Variants in SNX8 observed in about 807,000 individuals in gnomAD.
SNX8 encodes sorting nexin 8.
A neutral mutation model predicts 51.6 loss-of-function variants in SNX8; 25 were observed. The observed-to-expected ratio is 0.48, with a 90% CI of 0.35 to 0.68. The LOEUF (loss-of-function observed/expected upper bound fraction) is 0.68. Ranked by LOEUF, SNX8 falls within the 30% of genes least tolerant of loss-of-function variation. The pLI is 0.00. For synonymous variants in SNX8, 324 were observed against 277.0 expected, an observed-to-expected ratio of 1.17 and a Z score of -1.68; for missense variants, 695 against 624.0, an observed-to-expected ratio of 1.11 and a Z score of -1.21.
intron 1 of SNX8, among the ~76,000 whole-genome samples, chr7:2,312,929 G>A (rs1018080845): frequency 1.3e-5 from 2 of 151,960 alleles, no homozygotes; most frequent in Non-Finnish European, 1.5e-5. Context: ...GCGGAGTCTC[G>A]CTCTGTCGCC....
chr7:2,298,816 C>G (rs1294876426), intron 1 of SNX8, among the ~76,000 whole-genome samples: 1 of 151,854 alleles, frequency 6.6e-6, no homozygotes, highest in African/African-American at 2.4e-5. Flanking sequence ...CTCAGCCTCC[C>G]GAGCAGCTGG....
intron 1 of SNX8, among the ~76,000 whole-genome samples, chr7:2,335,292 T>C (rs937009869): frequency 6.6e-5 from 10 of 152,078 alleles, no homozygotes; most frequent in Admixed American, 5.2e-4. Context: ...GCTCATACAA[T>C]GGATACTACT....
chr7:2,321,571 C>T (rs1440144772), intron 1 of SNX8, among the ~76,000 whole-genome samples: 5 of 150,954 alleles, frequency 3.3e-5, no homozygotes, highest in Admixed American at 2.6e-4. Flanking sequence ...GAATAACAGG[C>T]GCCCGCCACT....
At chr7:2,297,499 G>A (rs554320859) in intron 1 of SNX8, among the ~76,000 whole-genome samples, 8 of 132,618 alleles carry the variant, frequency 6.0e-5, no homozygotes, top group African/African-American at 1.4e-4. Context: ...GCAGTGAGCC[G>A]AGATTGTGCC....
rs182104805 is a variant in SNX8 at position 2,271,955 on chromosome 7, G to A, written c.435C>T (p.Ile145=). Residue 145 remains isoleucine (I), a synonymous_variant, in exon 4 of 11, where the codon ATC becomes ATT. Coordinates refer to ENST00000222990, the MANE Select transcript of SNX8 (RefSeq NM_013321.4). ...KRMLGADREF[I]EARRRALKRF... ...GCTTCAGGGCTCTCCTCCTGGCCTCGATGAACTCCCTGTCAGCTGGAGGAG... is the reference window on the plus strand; with the variant it reads ...GCTTCAGGGCTCTCCTCCTGGCCTCAATGAACTCCCTGTCAGCTGGAGGAG... 1.5e-5 allele frequency: 24 copies of A among 1,614,028 alleles called. No homozygotes were observed. The East Asian group carries it at 3.6e-4, about 24-fold the overall frequency.
At chr7:2,271,355 G>C (rs1240940809) in intron 4 of SNX8, among the ~76,000 whole-genome samples, 1 of 152,226 alleles carries the variant, frequency 6.6e-6, no homozygotes, top group Admixed American at 6.5e-5. Context: ...GTAGCTTCTT[G>C]ACACACAATA....
chr7:2,265,199 G>A lies in SNX8; in HGVS notation c.622-741C>T, dbSNP rs149680055. Among the ~76,000 whole-genome samples the A allele has an allele frequency of 6.4e-3, 977 of 152,146 alleles. 8 individuals are homozygous for A. The highest frequency in any genetic ancestry group is 0.022 in the African/African-American group (930 of 41,536). Reference sequence around the variant, plus strand: ...CTACTAAAAATACAAAAAATTAGCCGAGCCTGGTGGTGGGCACCTAGTCCC... The same window carrying A: ...CTACTAAAAATACAAAAAATTAGCCAAGCCTGGTGGTGGGCACCTAGTCCC... On this transcript the variant is annotated intron_variant, in intron 5 of 10. Transcript: ENST00000222990.
intron 1 of SNX8, among the ~76,000 whole-genome samples, chr7:2,339,505 G>C (rs1388713185): frequency 6.6e-6 from 1 of 152,022 alleles, no homozygotes; most frequent in Non-Finnish European, 1.5e-5. Context: ...TTTATTAAAA[G>C]ACTTAAAAGA....
chr7:2,284,320 G>A (rs1418500053), intron 1 of SNX8, among the ~76,000 whole-genome samples: 1 of 151,516 alleles, frequency 6.6e-6, no homozygotes, highest in Admixed American at 6.6e-5. Context: ...CAGAGAGAAG[G>A]AATTCGATCC....
At chr7:2,314,221 G>A (rs1000455929) in intron 1 of SNX8, 107 bp downstream of exon 1, 5 of 1,126,296 alleles carry the variant, frequency 4.4e-6, no homozygotes, top group Non-Finnish European at 4.4e-6. Flanking sequence ...GGGCGCGGGG[G>A]CAGGAAACGA....
chr7:2,332,520 G>A (rs549942635), intron 1 of SNX8, among the ~76,000 whole-genome samples: 4 of 152,180 alleles, frequency 2.6e-5, no homozygotes, highest in East Asian at 1.9e-4. Context: ...TAGGAAGGTC[G>A]AAGTAGGAGT....
chr7:2,353,682 C>T (rs1204337130), intron 1 of SNX8, among the ~76,000 whole-genome samples: 1 of 152,126 alleles, frequency 6.6e-6, no homozygotes, highest in East Asian at 1.9e-4. Context: ...TTCTCATCCT[C>T]CCAAATTGAA....
At chr7:2,347,148 G>C (rs995865975) in intron 1 of SNX8, among the ~76,000 whole-genome samples, 1 of 151,936 alleles carries the variant, frequency 6.6e-6, no homozygotes, top group Non-Finnish European at 1.5e-5. Context: ...AACATAGCTA[G>C]ACACCCTCCG....
At chr7:2,312,580 A>C (rs1796678550) in intron 1 of SNX8, among the ~76,000 whole-genome samples, 1 of 151,982 alleles carries the variant, frequency 6.6e-6, no homozygotes, top group Non-Finnish European at 1.5e-5. Context: ...CCTTCTTTCT[A>C]GACACAGTCT....
chr7:2,309,811 T>C (rs1411036605), intron 1 of SNX8: 1 of 470,466 alleles, frequency 2.1e-6, no homozygotes, highest in Non-Finnish European at 4.4e-6. Context: ...AGACCTGACA[T>C]GAGCGAGCAG....
At chr7:2,257,568 C>G (rs768462924) in intron 8 of SNX8, 54 bp from the exon 9 acceptor site, 437 of 1,591,904 alleles carry the variant, frequency 2.7e-4, no homozygotes, top group Non-Finnish European at 3.6e-4. Flanking sequence ...CGCCAGGGCC[C>G]TGCGGAGCCG....
chr7:2,308,173 T>C (rs1215085556), intron 1 of SNX8, among the ~76,000 whole-genome samples: 2 of 152,104 alleles, frequency 1.3e-5, no homozygotes, highest in African/African-American at 2.4e-5. Context: ...CAAAAATTTA[T>C]AAAAATGTAA....
At position 2,335,068 on chromosome 7, in the gene SNX8, C is replaced by T. The variant is rs141653376; in HGVS notation, c.-66+19154G>A. Among the ~76,000 whole-genome samples the T allele has an allele frequency of 5.5e-3, 824 of 151,124 alleles. 7 individuals are homozygous for T. The highest frequency in any genetic ancestry group is 0.019 in the African/African-American group (791 of 41,132). On this transcript the variant is annotated intron_variant, in intron 1 of 5. Coordinates refer to the SNX8 transcript ENST00000435336. Reference sequence around the variant, plus strand: ...TAAATTACCTGGGTGTGGTTGTGTGCGCCTGTAATCCCAGCTACTTGGGAG... The same window carrying T: ...TAAATTACCTGGGTGTGGTTGTGTGTGCCTGTAATCCCAGCTACTTGGGAG...
At chr7:2,314,460 C>G, upstream of SNX8, 3 of 1,198,690 alleles carry the variant, frequency 2.5e-6, no homozygotes, top group Non-Finnish European at 3.1e-6. Context: ...CCCGCGCCAC[C>G]CGGCCGCGCA....
Sources: gnomAD v4.1 joint callset for allele counts (sites outside exome capture counted in the v4.1 genomes callset) on GRCh38, gnomAD v4.1.1 for gene constraint, MANE v1.5 for transcripts, NCBI Gene and HGNC (gene_info 2026-07-23, HGNC 2026-07-21) for gene names.